The following MKLN1 variants were observed in gnomAD, a reference collection of about 807,000 sequenced individuals.
MKLN1 encodes the protein muskelin 1.
In MKLN1, 18 loss-of-function variants were observed where a neutral mutation model predicts 99.0. The ratio of observed to expected loss-of-function variants is 0.18; its 90% CI spans 0.13 to 0.27. MKLN1 has a LOEUF of 0.27. Among genes scored for constraint, MKLN1 ranks in the 10% least tolerant of loss-of-function variants. The pLI is 1.00. For missense variants in MKLN1, 621 were observed against 875.9 expected (o/e 0.71, Z 3.67); for synonymous variants, 288 against 293.2 (o/e 0.98, Z 0.18).
At chr7:131,281,568 A>C (rs1798052807) in intron 3 of MKLN1, among the ~76,000 whole-genome samples, 1 of 152,216 alleles carries the variant, frequency 6.6e-6, no homozygotes, top group African/African-American at 2.4e-5. Flanking sequence ...TAAAATAAAA[A>C]AAAAGTTGGG....
At chr7:131,481,491 C>T (rs1172007503) in intron 17 of MKLN1, among the ~76,000 whole-genome samples, 4 of 151,918 alleles carry the variant, frequency 2.6e-5, no homozygotes, top group African/African-American at 9.7e-5. Flanking sequence ...CATCTTGAGC[C>T]CGAGAGTTCA....
At chr7:131,224,795 T>C (rs994960390) in intron 3 of MKLN1, among the ~76,000 whole-genome samples, 23 of 151,786 alleles carry the variant, frequency 1.5e-4, no homozygotes, top group Admixed American at 7.2e-4. Flanking sequence ...GAGATTTGGC[T>C]GGGCGCAGTG....
chr7:131,117,117 A>C (rs544881026), intron 1 of MKLN1, among the ~76,000 whole-genome samples: 2 of 152,102 alleles, frequency 1.3e-5, no homozygotes, highest in South Asian at 4.1e-4. Context: ...ACAGCCATCA[A>C]TAGAGAAGTG....
In MKLN1 at chr7:131,291,350, C is replaced by T. The variant is rs1242988714; in HGVS notation, c.-178-84074C>T. Among the ~76,000 whole-genome samples, 8 of 151,052 alleles carry T rather than the reference C, an allele frequency of 5.3e-5. No homozygotes were observed. In the South Asian group the frequency reaches 6.2e-4, roughly 12 times the overall value. On this transcript the variant is annotated intron_variant, in intron 3 of 7. Coordinates refer to the MKLN1 transcript ENST00000416992. ...TTCATCATGTTGGCCAGGCTGGTCT[C>T]GAACTCCTGACCTCAGGTGATCCAC... is the stretch of plus-strand genomic sequence containing the variant.
intron 2 of MKLN1, among the ~76,000 whole-genome samples, chr7:131,386,204 G>A (rs893396882): frequency 2.6e-5 from 4 of 151,992 alleles, no homozygotes; most frequent in African/African-American, 9.7e-5. Flanking sequence ...AGTAAAAACG[G>A]GGTTTCACCA....
chr7:131,178,020 C>T (rs2116350903), intron 2 of MKLN1, among the ~76,000 whole-genome samples: 1 of 152,302 alleles, frequency 6.6e-6, no homozygotes, highest in Admixed American at 6.5e-5. Context: ...CCATCACATA[C>T]ATATTCCAGA....
chr7:131,110,174 G>A (rs1795169067), exon 1 of MKLN1: 2 of 171,398 alleles, frequency 1.2e-5, no homozygotes, highest in Non-Finnish European at 2.5e-5. Flanking sequence ...GGAGGGCTCC[G>A]CTAGCCCGGG....
rs149524627 is a variant in MKLN1, at chr7:131,223,186, C to T, written c.-179+20212C>T. 3.7e-3 allele frequency among the ~76,000 whole-genome samples: 567 copies of T among 152,286 alleles called. 1 individual carries two copies. Among genetic ancestry groups the T allele is most frequent in the African/African-American group, 0.013 (539 of 41,546 alleles). ...TTTATAGGGATTCTTCCCCACATTC[C>T]CCTTTCAGACCCTTGGGAACAGGGT... On this transcript the variant is annotated intron_variant, in intron 3 of 7. Coordinates refer to the MKLN1 transcript ENST00000416992.
intron 2 of MKLN1, among the ~76,000 whole-genome samples, chr7:131,169,278 T>A (rs1405228160): frequency 6.6e-6 from 1 of 152,268 alleles, no homozygotes. Context: ...ACTTATTATA[T>A]AGGCATTGCC....
intron 2 of MKLN1, among the ~76,000 whole-genome samples, chr7:131,154,665 T>C (rs1417042547): frequency 2.0e-5 from 3 of 152,182 alleles, no homozygotes; most frequent in African/African-American, 7.2e-5. Context: ...TACATACACA[T>C]GTATCATAAA....
chr7:131,274,161 A>C (rs1797927343), intron 3 of MKLN1, among the ~76,000 whole-genome samples: 1 of 152,312 alleles, frequency 6.6e-6, no homozygotes, highest in Non-Finnish European at 1.5e-5. Context: ...AGGGGTGCTG[A>C]AACATAAGTT....
chr7:131,144,091 C>T (rs1795780758), intron 2 of MKLN1, among the ~76,000 whole-genome samples: 1 of 152,160 alleles, frequency 6.6e-6, no homozygotes, highest in African/African-American at 2.4e-5. Context: ...TGAGGGCAGG[C>T]AATTTTTTTG....
At position 131,169,026 on chromosome 7, in the gene MKLN1, C is replaced by A. The variant is rs140580959; in HGVS notation, c.-297+26085C>A. On this transcript the variant is annotated intron_variant, in intron 2 of 7. Coordinates refer to the MKLN1 transcript ENST00000416992. Reference sequence around the variant, plus strand: ...GGGATTACAGGCACCCACCACCACGCCTGGCTAATATTTGTATTTTTAGTA... The same window carrying A: ...GGGATTACAGGCACCCACCACCACGACTGGCTAATATTTGTATTTTTAGTA... 5.1e-4 allele frequency among the ~76,000 whole-genome samples: 78 copies of A among 152,294 alleles called. 1 individual carries two copies. The Middle Eastern group carries it at 0.01, about 20-fold the overall frequency.
intron 1 of MKLN1, among the ~76,000 whole-genome samples, chr7:131,116,043 C>T (rs533420933): frequency 7.9e-5 from 12 of 152,270 alleles, no homozygotes; most frequent in East Asian, 1.9e-4. Context: ...CGGTGGCTCA[C>T]GCCTGTAATC....
chr7:131,138,650 C>T (rs1249405599), intron 1 of MKLN1, among the ~76,000 whole-genome samples: 1 of 151,950 alleles, frequency 6.6e-6, no homozygotes, highest in Non-Finnish European at 1.5e-5. Context: ...GATGAAAACT[C>T]TGCTTTAAGC....
chr7:131,376,192 T>G (rs1220403443), intron 2 of MKLN1, among the ~76,000 whole-genome samples: 1 of 142,122 alleles, frequency 7.0e-6, no homozygotes, highest in South Asian at 2.2e-4. Flanking sequence ...CCCTGGTGTT[T>G]ACATGTTTTA....
At chr7:131,267,332 A>G (rs748472159) in intron 3 of MKLN1, among the ~76,000 whole-genome samples, 1 of 152,024 alleles carries the variant, frequency 6.6e-6, no homozygotes, top group Admixed American at 6.6e-5. Flanking sequence ...CTCCATCTCA[A>G]AAATAAATAA....
chr7:131,374,820 A>G (rs1793589438), intron 1 of MKLN1, among the ~76,000 whole-genome samples: 1 of 152,062 alleles, frequency 6.6e-6, no homozygotes, highest in East Asian at 1.9e-4. Flanking sequence ...TGCATGTTTG[A>G]TATATGTAAT....
intron 6 of MKLN1, among the ~76,000 whole-genome samples, chr7:131,405,361 A>T (rs1275696378): frequency 1.3e-5 from 2 of 150,044 alleles, no homozygotes; most frequent in Admixed American, 6.6e-5. Context: ...ATATATATAT[A>T]TTTTTCCATC....
Sources: gnomAD v4.1 joint callset for allele counts (sites outside exome capture counted in the v4.1 genomes callset) on GRCh38, gnomAD v4.1.1 for gene constraint, MANE v1.5 for transcripts, NCBI Gene and HGNC (gene_info 2026-07-23, HGNC 2026-07-21) for gene names.